VAV3: variants seen among roughly 807,000 people sequenced by gnomAD.
The protein encoded by VAV3 is vav guanine nucleotide exchange factor 3.
Under a neutral mutation model 131.2 loss-of-function variants are expected in VAV3, and 94 were observed. The ratio of observed to expected loss-of-function variants is 0.72; its 90% CI spans 0.61 to 0.85. VAV3 has a LOEUF of 0.85. Ranked by LOEUF, VAV3 falls within the 40% of genes least tolerant of loss-of-function variation. The pLI, the probability that VAV3 is intolerant of heterozygous loss-of-function variation, is 0.00. For synonymous variants in VAV3, 349 were observed against 342.0 expected, an observed-to-expected ratio of 1.02 and a Z score of -0.22; for missense variants, 939 against 1,002.7, an observed-to-expected ratio of 0.94 and a Z score of 0.86.
At chr1:107,818,119 C>A (rs1667638281) in intron 2 of VAV3, among the ~76,000 whole-genome samples, 1 of 152,180 alleles carries the variant, frequency 6.6e-6, no homozygotes, top group African/African-American at 2.4e-5. Flanking sequence ...GTGAGGAGAG[C>A]AGGGCAGGTT....
At chr1:107,712,926 A>G (rs1424443844) in intron 15 of VAV3, among the ~76,000 whole-genome samples, 1 of 152,232 alleles carries the variant, frequency 6.6e-6, no homozygotes, top group African/African-American at 2.4e-5. Flanking sequence ...CTACAGAAAT[A>G]GGTGGAAAGC....
chr1:107,742,502 A>G (rs1209736625), intron 15 of VAV3, among the ~76,000 whole-genome samples: 4 of 152,230 alleles, frequency 2.6e-5, no homozygotes, highest in African/African-American at 9.6e-5. Flanking sequence ...TTAGCATTTC[A>G]AAGAACATAA....
intron 2 of VAV3, chr1:107,785,393 G>A: frequency 7.7e-7 from 1 of 1,293,368 alleles, no homozygotes; most frequent in South Asian, 1.3e-5. Context: ...AGACCCAAAA[G>A]GAAAGGCCGG....
intron 1 of VAV3, among the ~76,000 whole-genome samples, chr1:107,922,900 C>T (rs1023921316): frequency 3.3e-5 from 5 of 149,508 alleles, no homozygotes; most frequent in African/African-American, 9.9e-5. Context: ...TGCAGTGAGC[C>T]GAGATCGCGC....
chr1:107,745,288 C>T (rs1290758621), intron 15 of VAV3, among the ~76,000 whole-genome samples: 3 of 152,098 alleles, frequency 2.0e-5, no homozygotes, highest in African/African-American at 7.2e-5. Flanking sequence ...CATTATGCCC[C>T]CCAGAACTAC....
intron 15 of VAV3, among the ~76,000 whole-genome samples, chr1:107,717,081 G>A (rs1448353713): frequency 6.6e-6 from 1 of 152,134 alleles, no homozygotes; most frequent in Non-Finnish European, 1.5e-5. Flanking sequence ...GATCGATGGT[G>A]ATATCCCCTT....
intron 2 of VAV3, among the ~76,000 whole-genome samples, chr1:107,812,626 C>T (rs569970180): frequency 3.3e-5 from 5 of 152,230 alleles, no homozygotes; most frequent in African/African-American, 1.2e-4. Flanking sequence ...TGGTCTAGAA[C>T]TGTTAAATCA....
chr1:107,782,946 G>C lies in VAV3; in HGVS notation c.322-3454C>G, dbSNP rs181561288. 1.5e-3 allele frequency among the ~76,000 whole-genome samples: 223 copies of C among 152,294 alleles called. 1 individual carries two copies. The highest frequency in any genetic ancestry group is 4.0e-3 in the African/African-American group (168 of 41,554). ...ACCACAAAATAATAGGAAATTCTGA[G>C]ATACATTAACTCCCAGAAACAGACA... On this transcript the variant is annotated intron_variant, in intron 2 of 26. Coordinates refer to ENST00000370056, the MANE Select transcript of VAV3 (RefSeq NM_006113.5).
At chr1:107,770,520 C>A in intron 6 of VAV3, 116 bp downstream of exon 6, 1 of 722,088 alleles carries the variant, frequency 1.4e-6, no homozygotes, top group Non-Finnish European at 2.4e-6. Context: ...TCTTTAAGTA[C>A]AAAGTTCTCC....
chr1:107,596,383 T>C (rs1651388157), intron 24 of VAV3, 42 bp from the exon 25 acceptor site: 1 of 1,603,576 alleles, frequency 6.2e-7, no homozygotes, highest in Non-Finnish European at 8.5e-7. Flanking sequence ...TAAGGATACT[T>C]TTGTTCTCAA....
At chr1:107,665,330 T>C (rs1006064053) in intron 19 of VAV3, among the ~76,000 whole-genome samples, 1 of 152,118 alleles carries the variant, frequency 6.6e-6, no homozygotes, top group Admixed American at 6.6e-5. Flanking sequence ...TTAAAAACAA[T>C]AATAAAACTG....
intron 25 of VAV3, among the ~76,000 whole-genome samples, chr1:107,591,089 C>T (rs556043669): frequency 8.5e-5 from 13 of 152,234 alleles, no homozygotes; most frequent in African/African-American, 2.6e-4. Flanking sequence ...TGAACCTTCA[C>T]ACAAACGACC....
chr1:107,693,046 G>T (rs1280216892), intron 17 of VAV3, among the ~76,000 whole-genome samples: 1 of 152,086 alleles, frequency 6.6e-6, no homozygotes, highest in Non-Finnish European at 1.5e-5. Flanking sequence ...CCTTCGCGGT[G>T]GTGTACTGTG....
chr1:107,587,329 C>T (rs1650579641), intron 25 of VAV3, among the ~76,000 whole-genome samples: 1 of 152,108 alleles, frequency 6.6e-6, no homozygotes, highest in Non-Finnish European at 1.5e-5. Context: ...TGGGATTCAG[C>T]AGGGAAAATC....
At chr1:107,613,977 G>A (rs1161515453) in intron 21 of VAV3, among the ~76,000 whole-genome samples, 1 of 152,128 alleles carries the variant, frequency 6.6e-6, no homozygotes, top group African/African-American at 2.4e-5. Context: ...TAGTAGAGCT[G>A]GTATGAATTC....
intron 15 of VAV3, among the ~76,000 whole-genome samples, chr1:107,747,519 T>C (rs1479590679): frequency 1.3e-5 from 2 of 152,342 alleles, no homozygotes; most frequent in South Asian, 2.1e-4. Context: ...TATGTAGTTT[T>C]ATAAGTCTTG....
intron 17 of VAV3, among the ~76,000 whole-genome samples, chr1:107,690,320 A>G (rs552602079): frequency 6.6e-6 from 1 of 152,244 alleles, no homozygotes; most frequent in Admixed American, 6.5e-5. Context: ...CAGGAAGAGG[A>G]AACAATGGTA....
intron 19 of VAV3, among the ~76,000 whole-genome samples, chr1:107,655,799 T>C (rs745615706): frequency 2.6e-5 from 4 of 151,944 alleles, no homozygotes; most frequent in Non-Finnish European, 4.4e-5. Context: ...AAGATCTGAG[T>C]AGACATTTCT....
At chr1:107,713,255 T>C (rs950578086) in intron 15 of VAV3, among the ~76,000 whole-genome samples, 1 of 151,984 alleles carries the variant, frequency 6.6e-6, no homozygotes, top group Admixed American at 6.6e-5. Context: ...ATACAAGTAT[T>C]TGGAGAAAAT....
Sources: allele counts gnomAD v4.1 joint callset (sites outside exome capture counted in the v4.1 genomes callset), GRCh38; gene constraint gnomAD v4.1.1; transcripts MANE v1.5; gene names NCBI Gene and HGNC (gene_info 2026-07-23, HGNC 2026-07-21).